TTC29: variants seen among roughly 807,000 people sequenced by gnomAD.
TTC29 encodes the protein tetratricopeptide repeat protein 29.
In TTC29, 49 loss-of-function variants were observed where a neutral mutation model predicts 58.1. The ratio of observed to expected loss-of-function variants is 0.84; its 90% CI spans 0.67 to 1.07. The LOEUF (loss-of-function observed/expected upper bound fraction) is 1.07, where lower values mean the gene tolerates loss of function less well. TTC29 is among the 50% of genes least tolerant of loss of function. The pLI is 0.00. For synonymous variants in TTC29, 209 were observed against 196.8 expected (o/e 1.06, Z -0.52); for missense variants, 582 against 555.6 (o/e 1.05, Z -0.48).
chr4:146,755,495 T>C (rs986957345), intron 11 of TTC29, among the ~76,000 whole-genome samples: 4 of 152,102 alleles, frequency 2.6e-5, no homozygotes, highest in Non-Finnish European at 5.9e-5. Context: ...AATCAGACGA[T>C]AAAAGTAGCA....
At chr4:146,825,215 T>C (rs1349156921) in intron 9 of TTC29, among the ~76,000 whole-genome samples, 1 of 152,190 alleles carries the variant, frequency 6.6e-6, no homozygotes, top group Non-Finnish European at 1.5e-5. Context: ...TTTAGATCTT[T>C]CCCACTTTCT....
At position 146,909,045 on chromosome 4, in the gene TTC29, A is replaced by C. The variant is rs761892087; in HGVS notation, c.381T>G (p.Ala127=). 1.7e-5 allele frequency: 28 copies of C among 1,613,716 alleles called. No individual in the cohort carries two copies. The highest frequency in any genetic ancestry group is 1.5e-4 in the Admixed American group (9 of 59,990). ...ACTTACCTTTCCTCTCAGCGTCCTC[A>C]GCCCTGGTCAGGTAATGGTACAGGT... is the stretch of plus-strand genomic sequence containing the variant. ...LDYLYHYLTR[A]EDAERKESFE... is the part of the protein sequence containing the mutation. Residue 127 remains alanine, a synonymous_variant, in exon 5 of 13, where the codon GCT becomes GCG. Coordinates refer to ENST00000325106, the MANE Select transcript of TTC29 (RefSeq NM_031956.4).
chr4:146,943,089 T>C (rs1197202260), intron 2 of TTC29: 1 of 151,980 alleles, frequency 6.6e-6, no homozygotes, highest in Non-Finnish European at 1.5e-5. Context: ...TGTTAGAAAA[T>C]GTAAGCATGG....
intron 11 of TTC29, among the ~76,000 whole-genome samples, chr4:146,790,531 T>G (rs1749368664): frequency 6.6e-6 from 1 of 152,148 alleles, no homozygotes; most frequent in African/African-American, 2.4e-5. Flanking sequence ...TTTATTTTTT[T>G]TTTTGTAGCA....
intron 11 of TTC29, among the ~76,000 whole-genome samples, chr4:146,757,261 G>A (rs546090246): frequency 9.9e-5 from 15 of 151,882 alleles, no homozygotes; most frequent in South Asian, 2.1e-4. Flanking sequence ...CTTTTCCTAC[G>A]GATGTGGCTT....
At chr4:146,853,045 T>C (rs1484118715) in intron 8 of TTC29, among the ~76,000 whole-genome samples, 1 of 152,098 alleles carries the variant, frequency 6.6e-6, no homozygotes, top group Non-Finnish European at 1.5e-5. Flanking sequence ...ATACTAAAGA[T>C]TTTTACCATG....
At chr4:146,913,733 C>T (rs558084099) in intron 4 of TTC29, among the ~76,000 whole-genome samples, 34 of 152,172 alleles carry the variant, frequency 2.2e-4, no homozygotes, top group Non-Finnish European at 4.6e-4. Context: ...TAAATTCCAC[C>T]ATAACCTTTC....
intron 11 of TTC29, among the ~76,000 whole-genome samples, chr4:146,793,559 C>T (rs1325042714): frequency 1.3e-5 from 2 of 151,924 alleles, no homozygotes; most frequent in African/African-American, 4.8e-5. Flanking sequence ...TACTAAGAAA[C>T]CAAATAATTT....
intron 5 of TTC29, among the ~76,000 whole-genome samples, chr4:146,904,910 A>G (rs17022100): frequency 0.022 from 3,310 of 152,304 alleles, 89 homozygotes; most frequent in East Asian, 0.12. Flanking sequence ...GTTTCAAAAG[A>G]AATTTCTAAA....
chr4:146,889,396 C>T (rs1561223381), intron 6 of TTC29, among the ~76,000 whole-genome samples: 1 of 151,892 alleles, frequency 6.6e-6, no homozygotes, highest in Non-Finnish European at 1.5e-5. Flanking sequence ...TATAACTAAA[C>T]AATACATGCA....
intron 6 of TTC29, among the ~76,000 whole-genome samples, chr4:146,885,550 T>TG (rs962229084): frequency 6.6e-6 from 1 of 152,070 alleles, no homozygotes; most frequent in African/African-American, 2.4e-5. Flanking sequence ...GCAATATTTT[T>TG]GGGGGGATAT....
At chr4:146,723,312 T>C (rs1743513107) in intron 11 of TTC29, among the ~76,000 whole-genome samples, 1 of 151,930 alleles carries the variant, frequency 6.6e-6, no homozygotes, top group African/African-American at 2.4e-5. Flanking sequence ...GGAAACACCA[T>C]TCTGGACATG....
At chr4:146,753,036 C>A (rs1014083640) in intron 11 of TTC29, among the ~76,000 whole-genome samples, 4 of 152,066 alleles carry the variant, frequency 2.6e-5, no homozygotes, top group African/African-American at 9.7e-5. Context: ...GCAACAAAAG[C>A]CAAAATTGAC....
chr4:146,918,974 TCTC>T (rs1734412026), intron 4 of TTC29, among the ~76,000 whole-genome samples: 1 of 151,112 alleles, frequency 6.6e-6, no homozygotes, highest in Admixed American at 6.6e-5. Context: ...AATGAAAACT[TCTC>T]TAGTAGTCTG....
At chr4:146,813,427 A>C (rs1294502469) in intron 10 of TTC29, among the ~76,000 whole-genome samples, 2 of 152,242 alleles carry the variant, frequency 1.3e-5, no homozygotes, top group Non-Finnish European at 2.9e-5. Context: ...TTCTATGATT[A>C]CATAGTAAAA....
At chr4:146,802,890 C>T (rs969910950) in intron 11 of TTC29, among the ~76,000 whole-genome samples, 2 of 151,944 alleles carry the variant, frequency 1.3e-5, no homozygotes, top group African/African-American at 4.8e-5. Context: ...TAATACTGAC[C>T]CCTGCATCCC....
chr4:146,875,438 G>A (rs897167474), intron 6 of TTC29, among the ~76,000 whole-genome samples: 18 of 152,244 alleles, frequency 1.2e-4, no homozygotes, highest in Admixed American at 1.1e-3. Context: ...TAACTCTAGA[G>A]CTGATACTCT....
At chr4:146,933,057 C>A (rs370470929) in intron 4 of TTC29, among the ~76,000 whole-genome samples, 123 of 137,208 alleles carry the variant, frequency 9.0e-4, no homozygotes, top group Admixed American at 9.4e-4. Flanking sequence ...GACTCCGTCT[C>A]AAAAAAAAAA....
intron 4 of TTC29, among the ~76,000 whole-genome samples, chr4:146,920,625 G>A (rs1333632035): frequency 6.8e-6 from 1 of 147,336 alleles, no homozygotes; most frequent in South Asian, 2.1e-4. Context: ...TGAGAAAAAA[G>A]TATATACACT....
Sources: gnomAD v4.1 joint callset for allele counts (sites outside exome capture counted in the v4.1 genomes callset) on GRCh38, gnomAD v4.1.1 for gene constraint, MANE v1.5 for transcripts, NCBI Gene and HGNC (gene_info 2026-07-23, HGNC 2026-07-21) for gene names.